ARIH1: variants seen among roughly 807,000 people sequenced by gnomAD.
ARIH1 encodes the protein E3 ubiquitin-protein ligase ARIH1.
In ARIH1, 8 loss-of-function variants were observed where a neutral mutation model predicts 85.0. The ratio of observed to expected loss-of-function variants is 0.09; its 90% CI spans 0.06 to 0.17. The LOEUF (loss-of-function observed/expected upper bound fraction) is 0.17. Among genes scored for constraint, ARIH1 ranks in the 10% least tolerant of loss-of-function variants. The pLI is 1.00. For missense variants in ARIH1, 311 were observed against 718.1 expected (o/e 0.43, Z 6.48); for synonymous variants, 238 against 253.6 (o/e 0.94, Z 0.59).
intron 1 of ARIH1, among the ~76,000 whole-genome samples, chr15:72,501,333 A>G (rs533611029): frequency 6.6e-6 from 1 of 152,204 alleles, no homozygotes; most frequent in Non-Finnish European, 1.5e-5. Flanking sequence ...AGTTAGATGT[A>G]TGGTTTTCAA....
intron 1 of ARIH1, among the ~76,000 whole-genome samples, chr15:72,478,893 A>G (rs2063804523): frequency 6.6e-6 from 1 of 152,208 alleles, no homozygotes; most frequent in African/African-American, 2.4e-5. Flanking sequence ...ACTGAAGTGC[A>G]ATGGCAAGAT....
intron 4 of ARIH1, 34 bp from the exon 5 acceptor site, chr15:72,555,818 G>T: frequency 6.3e-7 from 1 of 1,583,472 alleles, no homozygotes; most frequent in South Asian, 1.1e-5. Context: ...AATATTTGTT[G>T]AATGAAGACA....
intron 2 of ARIH1, among the ~76,000 whole-genome samples, chr15:72,533,768 A>C (rs966915956): frequency 8.5e-5 from 13 of 152,056 alleles, no homozygotes. Context: ...TTAGCTATGC[A>C]TGGTGGCATC....
intron 8 of ARIH1, 125 bp from the exon 9 acceptor site, chr15:72,566,981 G>A: frequency 1.5e-6 from 1 of 670,146 alleles, no homozygotes; most frequent in Non-Finnish European, 2.5e-6. Flanking sequence ...TTAAGAGGAT[G>A]TGAGCCTAGT....
rs1259128502 is a variant in ARIH1, at chr15:72,563,475, C to T, written c.886C>T (p.Arg296Cys). 13 of 1,614,050 alleles carry T rather than the reference C, an allele frequency of 8.1e-6. No homozygotes were observed. The highest frequency in any genetic ancestry group is 1.0e-5 in the Non-Finnish European group (12 of 1,179,952). ...KVQYPDAKPV[R>C]CKCGRQFCFN... ...CCAATATCCTGATGCTAAACCTGTT[C>T]GCTGCAAATGTGGGCGCCAATTTTG... The change falls in exon 7 of 14, where the codon CGC becomes TGC. Residue 296 changes from arginine to cysteine, a missense_variant. By Grantham distance (180) the Arg-to-Cys change is radical. This residue lies in a region of ARIH1 where 104 missense variants were observed against 221.4 expected (regional missense o/e 0.47). Coordinates refer to ENST00000379887, the MANE Select transcript of ARIH1 (RefSeq NM_005744.5).
At position 72,587,161 on chromosome 15, in the gene ARIH1, G is replaced by C. The variant is rs2064320528; in HGVS notation, c.*3869G>C. ...ATTGCCATTTTTTATAAAGGAGGAAGATAAGGCTCACTGAGGTTAAATAAC... is the reference window on the plus strand; with the variant it reads ...ATTGCCATTTTTTATAAAGGAGGAACATAAGGCTCACTGAGGTTAAATAAC... On this transcript the variant is annotated 3_prime_UTR_variant, in exon 14 of 14. Transcript: ENST00000379887. The C allele has an allele frequency of 4.1e-6, 2 of 483,334 alleles. No individual in the cohort carries two copies. The highest frequency in any genetic ancestry group is 1.2e-4 in the East Asian group (2 of 17,102). The allele number at this position is 483,334 out of a possible 1,614,324, so 29.9% of individuals were successfully genotyped here.
chr15:72,558,371 G>A (rs2064183671), intron 5 of ARIH1, among the ~76,000 whole-genome samples: 1 of 152,090 alleles, frequency 6.6e-6, no homozygotes, highest in African/African-American at 2.4e-5. Context: ...GCACCATATC[G>A]GCTCACTGCA....
intron 1 of ARIH1, among the ~76,000 whole-genome samples, chr15:72,517,460 TGTTGCCCA>T (rs1405070007): frequency 6.6e-6 from 1 of 152,028 alleles, no homozygotes; most frequent in African/African-American, 2.4e-5. Context: ...AGTCTTGCCC[TGTTGCCCA>T]GGCTGGAGTG....
rs986676173 is a variant in ARIH1, at chr15:72,593,521, G to A, written c.*10229G>A. 6.6e-6 allele frequency: 1 copy of A among 152,076 alleles called. No homozygotes were observed. Among genetic ancestry groups the A allele is most frequent in the African/African-American group, 2.4e-5 (1 of 41,380 alleles). The allele number at this position is 152,076 out of a possible 1,614,324, so 9.4% of individuals were successfully genotyped here. On this transcript the variant is annotated 3_prime_UTR_variant, in exon 14 of 14. Coordinates refer to ENST00000379887, the MANE Select transcript of ARIH1 (RefSeq NM_005744.5). ...AATTTTTGTGAACAGAATGAGGTTT[G>A]GTTTTTTTCCAACATGGATATACAG...
At chr15:72,486,536 C>T (rs1349784382) in intron 1 of ARIH1, among the ~76,000 whole-genome samples, 1 of 152,066 alleles carries the variant, frequency 6.6e-6, no homozygotes, top group African/African-American at 2.4e-5. Flanking sequence ...TCATTTGATA[C>T]AGCTTGGGGT....
chr15:72,571,255 T>G (rs1443408095), intron 10 of ARIH1, among the ~76,000 whole-genome samples: 5 of 152,140 alleles, frequency 3.3e-5, no homozygotes, highest in Non-Finnish European at 1.5e-5. Flanking sequence ...AACTCTGTAG[T>G]TATGTGACCT....
intron 3 of ARIH1, 39 bp downstream of exon 3, chr15:72,545,003 A>G (rs779301712): frequency 2.0e-6 from 3 of 1,491,306 alleles, no homozygotes; most frequent in South Asian, 2.7e-5. Context: ...CTGACTTTGT[A>G]TTTCAGAGGG....
chr15:72,512,133 C>T (rs760020476), intron 1 of ARIH1, among the ~76,000 whole-genome samples: 5 of 151,878 alleles, frequency 3.3e-5, no homozygotes, highest in Admixed American at 1.3e-4. Context: ...ATGTCTTTGT[C>T]GGATTTTGAT....
Position 72,544,906 on chromosome 15 carries a change from C to G in ARIH1, c.530C>G (p.Thr177Arg). 6.2e-7 allele frequency: 1 copy of G among 1,613,514 alleles called. No homozygotes were observed. Among genetic ancestry groups the G allele is most frequent in the South Asian group, 1.1e-5 (1 of 91,038 alleles). ...AAGTCTCGAACACGCCAGATGAATA[C>G]AAGGTCATCAGCACAGGATATGCCT... is the stretch of plus-strand genomic sequence containing the variant. ...SKKSRTRQMNTRSSAQDMPCQ... is the reference protein window; with the variant it reads ...SKKSRTRQMNRRSSAQDMPCQ... Residue 177 changes from threonine to arginine, a missense_variant, in exon 3 of 14, where the codon ACA becomes AGA. Transcript: ENST00000379887.
intron 1 of ARIH1, among the ~76,000 whole-genome samples, chr15:72,516,812 A>G (rs924518231): frequency 4.6e-5 from 7 of 152,342 alleles, no homozygotes; most frequent in African/African-American, 1.7e-4. Context: ...GTAGCTAACT[A>G]CGGTCTGCTT....
intron 1 of ARIH1, among the ~76,000 whole-genome samples, chr15:72,513,225 T>G (rs1433505901): frequency 1.3e-5 from 2 of 152,222 alleles, no homozygotes; most frequent in Admixed American, 1.3e-4. Flanking sequence ...TCCTCCTTTT[T>G]CTGCCTTTTG....
intron 3 of ARIH1, among the ~76,000 whole-genome samples, chr15:72,552,780 T>G (rs2064158387): frequency 1.4e-5 from 2 of 145,964 alleles, no homozygotes; most frequent in South Asian, 2.1e-4. Flanking sequence ...GAGGCCTGTT[T>G]TTTTTTTTTT....
At chr15:72,530,632 T>C (rs2140417233) in intron 2 of ARIH1, among the ~76,000 whole-genome samples, 1 of 152,292 alleles carries the variant, frequency 6.6e-6, no homozygotes, top group Admixed American at 6.5e-5. Flanking sequence ...CATAACAACC[T>C]GGAACTTAAG....
At chr15:72,504,792 T>C (rs372674473) in intron 1 of ARIH1, among the ~76,000 whole-genome samples, 29 of 152,312 alleles carry the variant, frequency 1.9e-4, no homozygotes, top group Middle Eastern at 6.8e-3. Flanking sequence ...CCCACCCCTG[T>C]CTGCCTAGAA....
Sources: gnomAD v4.1 joint callset for allele counts (sites outside exome capture counted in the v4.1 genomes callset) on GRCh38, gnomAD v4.1.1 for gene constraint, gnomAD v4.1.1 regional missense constraint, MANE v1.5 for transcripts, NCBI Gene and HGNC (gene_info 2026-07-23, HGNC 2026-07-21) for gene names.